Variants in MDM4 observed in about 807,000 individuals in gnomAD.
MDM4 encodes MDM4 regulator of p53.
In MDM4, 2 loss-of-function variants were observed where a neutral mutation model predicts 60.2. The observed-to-expected ratio is 0.03, with a 90% CI of 0.01 to 0.10. The LOEUF (loss-of-function observed/expected upper bound fraction) is 0.10, where lower values mean the gene tolerates loss of function less well. Ranked by LOEUF, MDM4 falls within the 10% of genes least tolerant of loss-of-function variation. The pLI, the probability that MDM4 is intolerant of heterozygous loss-of-function variation, is 1.00. For synonymous variants in MDM4, 202 were observed against 198.1 expected, an observed-to-expected ratio of 1.02 and a Z score of -0.17; for missense variants, 447 against 577.5, an observed-to-expected ratio of 0.77 and a Z score of 2.32.
rs1274293119 is a variant in MDM4, at chr1:204,558,014, A to G, written c.*8332A>G. On this transcript the variant is annotated 3_prime_UTR_variant, in exon 11 of 11. Transcript: ENST00000367182. The stretch of plus-strand genomic sequence containing the variant: ...GCATTCTTGCCTAGTTTTCCTTATA[A>G]GCACCACTAAGTTAATAGCTCTGTC... 7 of 185,990 alleles carry G rather than the reference A, an allele frequency of 3.8e-5. No homozygotes were observed. The East Asian group carries it at 6.1e-4, about 16-fold the overall frequency. 11.5% of individuals were successfully genotyped at this position (185,990 alleles called of 1,614,324 possible).
Position 204,528,600 on chromosome 1 carries a change from C to G in MDM4, c.154-2084C>G, listed in dbSNP as rs542522114. ...GTGCCACTCAACTGCTCATGGCCGT[C>G]GGGACATTCAGCTTTCATCCTCTCC... On this transcript the variant is annotated intron_variant, in intron 3 of 10. Transcript: ENST00000367182. Among the ~76,000 whole-genome samples, 5 of 152,278 alleles carry G rather than the reference C, an allele frequency of 3.3e-5. No homozygotes were observed. In the South Asian group the frequency reaches 6.2e-4, roughly 19 times the overall value.
chr1:204,524,731 T>C (rs1244697432), intron 1 of MDM4, among the ~76,000 whole-genome samples: 1 of 152,254 alleles, frequency 6.6e-6, no homozygotes, highest in Admixed American at 6.5e-5. Context: ...GAGCCGAGAT[T>C]GCGCCATTGC....
chr1:204,517,184 G>A (rs1190291088), intron 1 of MDM4, among the ~76,000 whole-genome samples: 1 of 151,792 alleles, frequency 6.6e-6, no homozygotes, highest in East Asian at 2.0e-4. Flanking sequence ...GGGGGTTGCA[G>A]TGAGTCGAGA....
intron 3 of MDM4, chr1:204,529,562 AC>A: frequency 2.0e-6 from 3 of 1,465,956 alleles, no homozygotes; most frequent in Non-Finnish European, 2.8e-6. Context: ...CCCCATAGCC[AC>A]CACCAGGGGG....
At chr1:204,540,015 C>T (rs564013163) in intron 7 of MDM4, among the ~76,000 whole-genome samples, 7 of 151,948 alleles carry the variant, frequency 4.6e-5, no homozygotes, top group African/African-American at 9.6e-5. Flanking sequence ...GGCGCGGTGG[C>T]TCACGCCTGT....
At chr1:204,541,622 T>C (rs1662092671) in intron 7 of MDM4, among the ~76,000 whole-genome samples, 1 of 152,194 alleles carries the variant, frequency 6.6e-6, no homozygotes, top group Admixed American at 6.5e-5. Flanking sequence ...TTTTTATTTG[T>C]GGAAAGAATG....
chr1:204,549,447 A>C lies in MDM4; in HGVS notation c.1238A>C (p.Gln413Pro). ...SQETISSMGE[Q>P]LDNLSEQRTD... ...GAGACCATCTCAAGCATGGGAGAAC[A>C]GTTAGATAACCTTTCTGAACAGAGA... The change falls in exon 11 of 11, where the codon CAG becomes CCG. Residue 413 changes from glutamine (Q) to proline (P), a missense_variant. Around this residue, in one of 8 missense-constraint regions of MDM4, gnomAD observed 117 missense variants for 114.5 expected, o/e 1.02. Transcript: ENST00000367182. 1 of 1,612,174 alleles carries C rather than the reference A, an allele frequency of 6.2e-7. No homozygotes were observed.
intron 3 of MDM4, chr1:204,529,520 TG>T: frequency 6.6e-7 from 1 of 1,510,570 alleles, no homozygotes; most frequent in Non-Finnish European, 9.0e-7. Context: ...CTCTACCAGC[TG>T]GTGGTCCATA....
chr1:204,542,577 G>T (rs1662217228), intron 7 of MDM4, among the ~76,000 whole-genome samples: 1 of 151,550 alleles, frequency 6.6e-6, no homozygotes, highest in Non-Finnish European at 1.5e-5. Context: ...TGATCTGTTT[G>T]TAGTGTCATT....
At chr1:204,532,497 T>C (rs1202605619) in intron 5 of MDM4, 4 of 556,034 alleles carry the variant, frequency 7.2e-6, no homozygotes, top group Non-Finnish European at 1.3e-5. Flanking sequence ...CTAGACACAC[T>C]TTTAAAAATC....
chr1:204,544,676 G>A lies in MDM4; in HGVS notation c.814G>A (p.Asp272Asn). The A allele has an allele frequency of 6.2e-7, 1 of 1,611,298 alleles. No homozygotes were observed. The highest frequency in any genetic ancestry group is 8.5e-7 in the Non-Finnish European group (1 of 1,178,308). The part of the protein sequence containing the change: ...QTSEEVGKVS[D>N]KKVIEVGKND... Reference sequence around the variant, plus strand: ...AAGTGAAGAAGTAGGGAAAGTAAGTGACAAAAAGGTATGTTGTGGAAAAAT... The same window carrying A: ...AAGTGAAGAAGTAGGGAAAGTAAGTAACAAAAAGGTATGTTGTGGAAAAAT... The change falls in exon 9 of 11, where the codon GAC (aspartate) becomes AAC (asparagine). Residue 272 changes from aspartate to asparagine, a missense_variant. Coordinates refer to ENST00000367182, the MANE Select transcript of MDM4 (RefSeq NM_002393.5).
intron 5 of MDM4, among the ~76,000 whole-genome samples, chr1:204,533,300 A>T (rs780201709): frequency 8.5e-5 from 13 of 152,214 alleles, no homozygotes; most frequent in Non-Finnish European, 1.5e-4. Context: ...ACTACTACAT[A>T]AAGCCCTTTT....
At chr1:204,528,817 GCACTC>G in intron 3 of MDM4, 1 of 1,409,076 alleles carries the variant, frequency 7.1e-7, no homozygotes, top group South Asian at 1.2e-5. Context: ...GGTCCCTGGT[GCACTC>G]CACTCTCCAC....
intron 1 of MDM4, 194 bp from the exon 2 acceptor site, chr1:204,525,290 C>G: frequency 2.0e-6 from 2 of 980,182 alleles, no homozygotes; most frequent in Non-Finnish European, 2.4e-6. Flanking sequence ...ACGATTCTTA[C>G]TCTTAATTAA....
rs180943958 is a variant in MDM4, at chr1:204,519,601, T to C, written c.-36+3092T>C. Among the ~76,000 whole-genome samples, 493 of 152,234 alleles carry C rather than the reference T, an allele frequency of 3.2e-3. 1 individual carries two copies. Among genetic ancestry groups the C allele is most frequent in the African/African-American group, 0.011 (450 of 41,538 alleles). Reference sequence around the variant, plus strand: ...GCTCATGCCTGTAATCCCAGCACTTTGGGAGGCTGAAAAGGATTGCTTTAG... The same window carrying C: ...GCTCATGCCTGTAATCCCAGCACTTCGGGAGGCTGAAAAGGATTGCTTTAG... On this transcript the variant is annotated intron_variant, in intron 1 of 10. Transcript: ENST00000367182.
At chr1:204,546,215 G>A (rs1156489541) in intron 9 of MDM4, among the ~76,000 whole-genome samples, 1 of 151,972 alleles carries the variant, frequency 6.6e-6, no homozygotes, top group Non-Finnish European at 1.5e-5. Context: ...TTTTTAAATT[G>A]TTTTAGAGAC....
At chr1:204,529,368 C>T in intron 3 of MDM4, 1 of 923,094 alleles carries the variant, frequency 1.1e-6, no homozygotes, top group East Asian at 2.4e-5. Flanking sequence ...AGGGGAGCCA[C>T]CCTGTCCATG....
intron 1 of MDM4, among the ~76,000 whole-genome samples, chr1:204,517,610 C>A (rs549043097): frequency 4.5e-4 from 69 of 152,092 alleles, no homozygotes; most frequent in African/African-American, 1.6e-3. Context: ...CCAGGTTGGC[C>A]AGGCTGTTCT....
In MDM4 at chr1:204,552,053, A is replaced by G. The variant is rs1270706855; in HGVS notation, c.*2371A>G. 5.9e-6 allele frequency: 1 copy of G among 168,110 alleles called. No homozygotes were observed. The highest frequency in any genetic ancestry group is 1.3e-5 in the Non-Finnish European group (1 of 77,594). 10.4% of individuals were successfully genotyped at this position (168,110 alleles called of 1,614,324 possible). A position where few individuals can be genotyped will look rare whatever the true frequency, so the allele number is the denominator to read the frequency against. On this transcript the variant is annotated 3_prime_UTR_variant, in exon 11 of 11. Coordinates refer to ENST00000367182, the MANE Select transcript of MDM4 (RefSeq NM_002393.5). ...TGTAATCCCAACACTTTGGGAGATC[A>G]CCTAGGTCGGGAGTTTGAGACCAGC...
Sources: allele counts gnomAD v4.1 joint callset (sites outside exome capture counted in the v4.1 genomes callset), GRCh38; gene constraint gnomAD v4.1.1; regional missense constraint gnomAD v4.1.1; transcripts MANE v1.5; gene names NCBI Gene and HGNC (gene_info 2026-07-23, HGNC 2026-07-21).